The following CENATAC variants were observed in gnomAD, a reference collection of about 807,000 sequenced individuals.
The protein encoded by CENATAC is centrosomal AT-AC splicing factor.
A neutral mutation model predicts 53.7 loss-of-function variants in CENATAC; 53 were observed. That is an observed-to-expected ratio of 0.99 (90% CI 0.79 to 1.24). CENATAC has a LOEUF of 1.24. CENATAC is among the 50% of genes most tolerant of loss of function. The probability of loss-of-function intolerance (pLI) is 0.00; values close to 1 mark genes in which losing one functional copy is unlikely to be tolerated. For missense variants in CENATAC, 474 were observed against 417.8 expected (o/e 1.13, Z -1.17); for synonymous variants, 156 against 144.6 (o/e 1.08, Z -0.57).
At position 119,011,404 on chromosome 11, in the gene CENATAC, C is replaced by T. The variant is rs537968547; in HGVS notation, c.513+121C>T. ...TCTTTTTTTTTTGGAGACAGAGTTTCGCTGTGTCACCCAGGCTGGAGTGCA... is the reference window on the plus strand; with the variant it reads ...TCTTTTTTTTTTGGAGACAGAGTTTTGCTGTGTCACCCAGGCTGGAGTGCA... On this transcript the variant is annotated intron_variant, in intron 5 of 10. Transcript: ENST00000334418. The T allele has an allele frequency of 2.1e-5, 19 of 896,346 alleles. No homozygotes were observed. The East Asian group carries it at 3.2e-4, about 15-fold the overall frequency. The allele number at this position is 896,346 out of a possible 1,614,324, so 55.5% of individuals were successfully genotyped here.
chr11:119,010,499 T>C (rs920278920), intron 3 of CENATAC: 8 of 480,034 alleles, frequency 1.7e-5, no homozygotes, highest in East Asian at 6.4e-5. Context: ...ATGTTCCTCC[T>C]CTTGGGAGAT....
intron 7 of CENATAC, 66 bp downstream of exon 7, chr11:119,012,320 G>C (rs1439517888): frequency 6.4e-7 from 1 of 1,563,686 alleles, no homozygotes; most frequent in African/African-American, 1.4e-5. Flanking sequence ...CCTTTCTCCT[G>C]ATTTTCTACC....
chr11:119,015,195 G>A, intron 9 of CENATAC, 112 bp downstream of exon 9: 2 of 1,444,254 alleles, frequency 1.4e-6, no homozygotes, highest in South Asian at 1.3e-5. Flanking sequence ...GGAGGCTGAG[G>A]TGGGAGGGTC....
chr11:119,010,690 ATATC>A, intron 3 of CENATAC, 70 bp from the exon 4 acceptor site: 1 of 1,309,062 alleles, frequency 7.6e-7, no homozygotes, highest in Non-Finnish European at 1.1e-6. Flanking sequence ...AATTAAAAAA[ATATC>A]TACTGAGGAG....
intron 3 of CENATAC, among the ~76,000 whole-genome samples, chr11:119,008,762 T>C (rs1166065831): frequency 6.6e-6 from 1 of 152,208 alleles, no homozygotes; most frequent in Non-Finnish European, 1.5e-5. Flanking sequence ...AGAGAAACCT[T>C]GGACAATACC....
chr11:119,009,198 G>C (rs533984926), intron 3 of CENATAC, among the ~76,000 whole-genome samples: 7 of 152,066 alleles, frequency 4.6e-5, no homozygotes, highest in Admixed American at 1.3e-4. Flanking sequence ...GCCCGATCTC[G>C]GCTCACTGCA....
rs34471457 is a variant in CENATAC, at chr11:119,013,462, A to AT, written c.715+219dup. ...AGGTGTGCACCACCACACCCAGCTA[A>AT]TTTTTTTTTTTTTTTTTTTGAGACG... On this transcript the variant is annotated intron_variant, in intron 8 of 10. Transcript: ENST00000334418. 5.2e-3 allele frequency among the ~76,000 whole-genome samples: 661 copies of AT among 126,644 alleles called. 5 individuals are homozygous for AT. Among genetic ancestry groups the AT allele is most frequent in the South Asian group, 0.035 (132 of 3,756 alleles). 83.1% of individuals were successfully genotyped at this position (126,644 alleles called of 152,430 possible).
At chr11:119,006,364 G>C (rs1476884037) in intron 3 of CENATAC, among the ~76,000 whole-genome samples, 1 of 149,820 alleles carries the variant, frequency 6.7e-6, no homozygotes, top group African/African-American at 2.5e-5. Context: ...GCCTCCCTGA[G>C]TAGCTGGGAC....
At chr11:119,009,073 A>G (rs1451176522) in intron 3 of CENATAC, among the ~76,000 whole-genome samples, 1 of 152,116 alleles carries the variant, frequency 6.6e-6, no homozygotes, top group East Asian at 1.9e-4. Context: ...GGAGTCTCTT[A>G]TGTCTTTCCT....
intron 10 of CENATAC, 41 bp downstream of exon 10, chr11:119,015,480 A>G (rs1565673589): frequency 2.5e-5 from 41 of 1,613,064 alleles, no homozygotes; most frequent in Admixed American, 3.3e-5. Flanking sequence ...TACCCATCCA[A>G]CCTCCTTTTT....
chr11:118,999,727 C>T (rs1196212571), intron 3 of CENATAC, among the ~76,000 whole-genome samples: 1 of 152,242 alleles, frequency 6.6e-6, no homozygotes, highest in Non-Finnish European at 1.5e-5. Flanking sequence ...ACTGCAAGCT[C>T]TGCCTCCTGG....
At chr11:119,012,370 C>T in intron 7 of CENATAC, 116 bp downstream of exon 7, 1 of 1,111,444 alleles carries the variant, frequency 9.0e-7, no homozygotes, top group Non-Finnish European at 1.3e-6. Context: ...GCTTTTCCTT[C>T]TTCCTTCACT....
chr11:118,998,669 A>C (rs2134512995), intron 2 of CENATAC, 76 bp downstream of exon 2: 1 of 1,481,360 alleles, frequency 6.8e-7, no homozygotes, highest in African/African-American at 1.4e-5. Context: ...TGGGTGAGAA[A>C]AAGGACGCTT....
At chr11:119,000,847 C>T (rs553269174) in intron 3 of CENATAC, among the ~76,000 whole-genome samples, 2 of 152,184 alleles carry the variant, frequency 1.3e-5, no homozygotes, top group Middle Eastern at 3.4e-3. Flanking sequence ...TCAAGCAATC[C>T]GCCTGCCTCA....
intron 7 of CENATAC, chr11:119,012,878 A>C (rs1456625416): frequency 4.5e-6 from 1 of 221,088 alleles, no homozygotes. Context: ...CTCTATTTCA[A>C]GTGGATGTAG....
intron 3 of CENATAC, among the ~76,000 whole-genome samples, chr11:119,007,423 C>T (rs1019103463): frequency 6.6e-6 from 1 of 152,032 alleles, no homozygotes; most frequent in African/African-American, 2.4e-5. Context: ...ACCTCATGAT[C>T]CGCCCACCTC....
rs1943139720 is a variant in CENATAC, at chr11:119,015,761, G to GT, written c.*164dup. 1.6e-6 allele frequency: 2 copies of GT among 1,283,532 alleles called. No homozygotes were observed. Among genetic ancestry groups the GT allele is most frequent in the Admixed American group, 3.9e-5 (2 of 51,694 alleles). 79.5% of individuals were successfully genotyped at this position (1,283,532 alleles called of 1,614,324 possible). A position where few individuals can be genotyped will look rare whatever the true frequency, so the allele number is the denominator to read the frequency against. ...TCCAAATGTACAGCTGGTTGGACCT[G>GT]TAAAAAAAAATTAAAAGAATCAGAA... On this transcript the variant is annotated 3_prime_UTR_variant, in exon 11 of 11. Coordinates refer to ENST00000334418, the MANE Select transcript of CENATAC (RefSeq NM_198489.3).
intron 8 of CENATAC, 36 bp from the exon 9 acceptor site, chr11:119,014,958 T>TAAAA (rs10680026): frequency 0.075 from 86,951 of 1,153,054 alleles, 1,660 homozygotes; most frequent in Non-Finnish European, 0.083. Flanking sequence ...CCTGAAGACT[T>TAAAA]AAAAAAAAAA....
chr11:118,998,729 A>C, intron 2 of CENATAC, 136 bp downstream of exon 2: 1 of 1,227,652 alleles, frequency 8.1e-7, no homozygotes, highest in Non-Finnish European at 1.1e-6. Flanking sequence ...AGGTTTTGCC[A>C]GCCTTGTTAG....
Sources: allele counts gnomAD v4.1 joint callset (sites outside exome capture counted in the v4.1 genomes callset), GRCh38; gene constraint gnomAD v4.1.1; transcripts MANE v1.5; gene names NCBI Gene and HGNC (gene_info 2026-07-23, HGNC 2026-07-21).